Variants in ZDHHC14 observed in about 807,000 individuals in gnomAD.
ZDHHC14 encodes palmitoyltransferase ZDHHC14.
ZDHHC14 carries 16 observed loss-of-function variants against 47.7 expected under a neutral mutation model. The observed-to-expected ratio is 0.34, with a 90% confidence interval of 0.23 to 0.51. The LOEUF is 0.51. ZDHHC14 is among the 20% of genes least tolerant of loss of function. The pLI is 0.97. For synonymous variants in ZDHHC14, 293 were observed against 278.9 expected, an observed-to-expected ratio of 1.05 and a Z score of -0.50; for missense variants, 515 against 662.5, an observed-to-expected ratio of 0.78 and a Z score of 2.44.
At chr6:157,639,044 TTGGC>T (rs370941328) in intron 5 of ZDHHC14, among the ~76,000 whole-genome samples, 382 of 152,372 alleles carry the variant, frequency 2.5e-3, no homozygotes, top group Middle Eastern at 6.8e-3. Flanking sequence ...GGTGCCCGCT[TTGGC>T]TGAGCATCAA....
chr6:157,593,577 G>C (rs1224065523), intron 3 of ZDHHC14, among the ~76,000 whole-genome samples: 1 of 152,174 alleles, frequency 6.6e-6, no homozygotes, highest in Non-Finnish European at 1.5e-5. Context: ...GGCAGGATCC[G>C]GGAGACCTCT....
intron 1 of ZDHHC14, among the ~76,000 whole-genome samples, chr6:157,402,812 C>T (rs1311706592): frequency 1.3e-5 from 2 of 152,108 alleles, no homozygotes; most frequent in African/African-American, 2.4e-5. Flanking sequence ...TTCCAACCTC[C>T]GCCTCCTGGG....
At chr6:157,572,338 C>T (rs1336897278) in intron 2 of ZDHHC14, among the ~76,000 whole-genome samples, 1 of 152,146 alleles carries the variant, frequency 6.6e-6, no homozygotes, top group Non-Finnish European at 1.5e-5. Flanking sequence ...TGGTTGAGAA[C>T]CACTGCCCTA....
intron 8 of ZDHHC14, among the ~76,000 whole-genome samples, chr6:157,661,948 C>T (rs1778359416): frequency 6.6e-6 from 1 of 152,048 alleles, no homozygotes; most frequent in African/African-American, 2.4e-5. Flanking sequence ...CTCAGCCTCC[C>T]AGGTAGCTGG....
intron 5 of ZDHHC14, among the ~76,000 whole-genome samples, chr6:157,639,764 T>G (rs1777159932): frequency 6.6e-6 from 1 of 151,976 alleles, no homozygotes; most frequent in African/African-American, 2.4e-5. Context: ...AGTAGGAGCG[T>G]TCTGCCAAGA....
At chr6:157,540,965 A>G (rs923024833) in intron 1 of ZDHHC14, among the ~76,000 whole-genome samples, 20 of 147,470 alleles carry the variant, frequency 1.4e-4, no homozygotes, top group Admixed American at 1.0e-3. Context: ...CATGCCTTCA[A>G]TGTAGACTGT....
intron 1 of ZDHHC14, among the ~76,000 whole-genome samples, chr6:157,475,632 G>T (rs1219004987): frequency 6.6e-6 from 1 of 152,098 alleles, no homozygotes; most frequent in Non-Finnish European, 1.5e-5. Context: ...TCTTGTGAAT[G>T]AGATAGTTTT....
intron 1 of ZDHHC14, among the ~76,000 whole-genome samples, chr6:157,456,107 T>C (rs1227336211): frequency 6.6e-6 from 1 of 152,156 alleles, no homozygotes; most frequent in Non-Finnish European, 1.5e-5. Flanking sequence ...AACACATCCT[T>C]TCCTTCTACT....
At chr6:157,513,205 A>C (rs1471602688) in intron 1 of ZDHHC14, among the ~76,000 whole-genome samples, 1 of 152,238 alleles carries the variant, frequency 6.6e-6, no homozygotes, top group African/African-American at 2.4e-5. Flanking sequence ...TTAATAGCTT[A>C]CTGTTCTCTG....
intron 1 of ZDHHC14, among the ~76,000 whole-genome samples, chr6:157,383,385 T>G (rs1338617974): frequency 1.3e-5 from 2 of 152,240 alleles, no homozygotes; most frequent in Non-Finnish European, 2.9e-5. Context: ...AGTCTCCGCC[T>G]CCTCCTGTTG....
chr6:157,405,399 A>AT (rs1180432277), intron 1 of ZDHHC14, among the ~76,000 whole-genome samples: 2 of 152,008 alleles, frequency 1.3e-5, no homozygotes, highest in African/African-American at 4.8e-5. Context: ...CGCCTGGCTA[A>AT]TTTTTTGTAT....
chr6:157,552,194 A>G (rs1406332198), intron 2 of ZDHHC14, among the ~76,000 whole-genome samples: 2 of 152,152 alleles, frequency 1.3e-5, no homozygotes, highest in Admixed American at 1.3e-4. Flanking sequence ...TATTACTATC[A>G]TTAGTAGTGT....
chr6:157,396,369 C>T (rs1311162298), intron 1 of ZDHHC14, among the ~76,000 whole-genome samples: 1 of 152,118 alleles, frequency 6.6e-6, no homozygotes, highest in Admixed American at 6.5e-5. Context: ...CTTGAATGCT[C>T]CTATTTTGGG....
At chr6:157,517,438 GTA>G (rs1780737505) in intron 1 of ZDHHC14, among the ~76,000 whole-genome samples, 1 of 151,872 alleles carries the variant, frequency 6.6e-6, no homozygotes, top group African/African-American at 2.4e-5. Context: ...AGCCTCCCGA[GTA>G]GCTGGGATTA....
intron 1 of ZDHHC14, 103 bp downstream of exon 1, chr6:157,382,369 T>A: frequency 7.5e-7 from 1 of 1,342,032 alleles, no homozygotes; most frequent in Non-Finnish European, 1.0e-6. Flanking sequence ...TTATCTACTG[T>A]AAATTGTTAT....
intron 1 of ZDHHC14, among the ~76,000 whole-genome samples, chr6:157,413,205 G>A (rs1310656702): frequency 6.6e-6 from 1 of 152,196 alleles, no homozygotes; most frequent in Non-Finnish European, 1.5e-5. Context: ...GCCCTGCAGG[G>A]GGTCGAGGGG....
chr6:157,599,001 C>G (rs1784237009), intron 3 of ZDHHC14, among the ~76,000 whole-genome samples: 2 of 152,242 alleles, frequency 1.3e-5, no homozygotes, highest in South Asian at 2.1e-4. Flanking sequence ...CTTTAAAAAA[C>G]TTTTATAAAT....
intron 1 of ZDHHC14, among the ~76,000 whole-genome samples, chr6:157,473,283 G>T (rs1276826002): frequency 1.3e-5 from 2 of 152,142 alleles, no homozygotes; most frequent in Non-Finnish European, 2.9e-5. Flanking sequence ...TGTTTGACTG[G>T]AATTTTGTGT....
chr6:157,434,218 T>TTATA (rs373321908), intron 1 of ZDHHC14, among the ~76,000 whole-genome samples: 20 of 146,568 alleles, frequency 1.4e-4, no homozygotes, highest in African/African-American at 3.3e-4. Flanking sequence ...GCTTATAATT[T>TTATA]TATATATATA....
Sources: allele counts gnomAD v4.1 joint callset (sites outside exome capture counted in the v4.1 genomes callset), GRCh38; gene constraint gnomAD v4.1.1; transcripts MANE v1.5; gene names NCBI Gene and HGNC (gene_info 2026-07-23, HGNC 2026-07-21).